The following OPCML variants were observed in gnomAD, a reference collection of about 807,000 sequenced individuals.
OPCML encodes the protein opioid-binding protein/cell adhesion molecule.
Under a neutral mutation model 37.8 loss-of-function variants are expected in OPCML, and 13 were observed. That is an observed-to-expected ratio of 0.34 (90% CI 0.22 to 0.55). The LOEUF (loss-of-function observed/expected upper bound fraction) is 0.55, where lower values mean the gene tolerates loss of function less well. OPCML is among the 20% of genes least tolerant of loss of function. The pLI is 0.91. For missense variants in OPCML, 341 were observed against 435.6 expected (o/e 0.78, Z 1.93); for synonymous variants, 176 against 168.8 (o/e 1.04, Z -0.33).
rs1313516482 is a variant in OPCML at position 132,887,928 on chromosome 11, T to C, written c.146+54998A>G. Among the ~76,000 whole-genome samples the C allele has an allele frequency of 2.6e-5, 4 of 152,210 alleles. No individual in the cohort carries two copies. The East Asian group carries it at 7.7e-4, about 29-fold the overall frequency. On this transcript the variant is annotated intron_variant, in intron 2 of 7. Transcript: ENST00000524381. The stretch of plus-strand genomic sequence containing the variant: ...GGATTTATACATAGCATAGGGAAAG[T>C]TGAGGCCAGGCCAAGGGCTGGTCTC...
rs922520343 is a variant in OPCML, at chr11:133,426,503, C to T, written c.61+105761G>A. Among the ~76,000 whole-genome samples, 5 of 152,230 alleles carry T rather than the reference C, an allele frequency of 3.3e-5. No homozygotes were observed. In the South Asian group the frequency reaches 6.2e-4, roughly 19 times the overall value. On this transcript the variant is annotated intron_variant, in intron 1 of 7. Coordinates refer to ENST00000524381, the MANE Select transcript of OPCML (RefSeq NM_001012393.5). ...TTCTGCGCGTTGGTAAGGTTGAAGA[C>T]GCACTCATGATAAACCAGTGAAGGT...
At chr11:133,013,253 T>C (rs533100439) in intron 1 of OPCML, among the ~76,000 whole-genome samples, 97 of 152,334 alleles carry the variant, frequency 6.4e-4, no homozygotes, top group South Asian at 5.4e-3. Context: ...AAGAACATTT[T>C]CTTTTTTTAA....
At chr11:133,005,083 C>G in intron 1 of OPCML, 1 of 985,318 alleles carries the variant, frequency 1.0e-6, no homozygotes, top group Non-Finnish European at 1.2e-6. Context: ...TGCTTGGACT[C>G]CTTCATGGCT....
chr11:133,360,408 C>CG, intron 1 of OPCML: 1 of 152,330 alleles, frequency 6.6e-6, no homozygotes, highest in East Asian at 1.9e-4. Flanking sequence ...GCCGACGATG[C>CG]CCGCAGGGGA....
rs548375533 is a variant in OPCML at position 133,409,899 on chromosome 11, C to T, written c.61+122365G>A. Among the ~76,000 whole-genome samples the T allele has an allele frequency of 2.6e-5, 4 of 152,176 alleles. No homozygotes were observed. The South Asian group carries it at 8.3e-4, about 32-fold the overall frequency. On this transcript the variant is annotated intron_variant, in intron 1 of 7. Coordinates refer to ENST00000524381, the MANE Select transcript of OPCML (RefSeq NM_001012393.5). ...TCCATATTGTGTGATGCAGTCTCTT[C>T]ATAAGGAGAAGCACTGCTGCTCTGA...
At chr11:133,214,200 T>A (rs979476884) in intron 1 of OPCML, among the ~76,000 whole-genome samples, 1 of 152,176 alleles carries the variant, frequency 6.6e-6, no homozygotes, top group African/African-American at 2.4e-5. Context: ...TCAAATGAAC[T>A]GTTATTTCAG....
chr11:133,450,400 T>C (rs901025663), intron 1 of OPCML, among the ~76,000 whole-genome samples: 2 of 151,494 alleles, frequency 1.3e-5, no homozygotes, highest in African/African-American at 4.9e-5. Flanking sequence ...AAATCCATTT[T>C]TTTTTTTAAG....
In OPCML at chr11:133,212,216, A is replaced by G. The variant is rs1592109313; in HGVS notation, c.62-269206T>C. Reference sequence around the variant, plus strand: ...CCAAACCAGCAAGGACAACAACAAAAGCAATTTTTCCTGCCCACCACCCCG... The same window carrying G: ...CCAAACCAGCAAGGACAACAACAAAGGCAATTTTTCCTGCCCACCACCCCG... On this transcript the variant is annotated intron_variant, in intron 1 of 7. Coordinates refer to ENST00000524381, the MANE Select transcript of OPCML (RefSeq NM_001012393.5). The surrounding 1 kb of genome is among the most constrained non-coding windows in gnomAD (Gnocchi z 4.9). 1.3e-5 allele frequency among the ~76,000 whole-genome samples: 2 copies of G among 152,190 alleles called. No homozygotes were observed. Among genetic ancestry groups the G allele is most frequent in the South Asian group, 4.2e-4 (2 of 4,810 alleles).
At chr11:133,339,761 C>G (rs1384256463) in intron 1 of OPCML, among the ~76,000 whole-genome samples, 1 of 152,180 alleles carries the variant, frequency 6.6e-6, no homozygotes, top group African/African-American at 2.4e-5. Context: ...GGTCCATGAC[C>G]TACCTTGTTA....
chr11:133,254,246 A>G (rs1002626376), intron 1 of OPCML, among the ~76,000 whole-genome samples: 1 of 152,174 alleles, frequency 6.6e-6, no homozygotes, highest in Non-Finnish European at 1.5e-5. Context: ...GGGGAAGCAC[A>G]TTTTGGGCAG....
At chr11:133,016,896 T>C (rs1947345007) in intron 1 of OPCML, among the ~76,000 whole-genome samples, 1 of 152,204 alleles carries the variant, frequency 6.6e-6, no homozygotes, top group Non-Finnish European at 1.5e-5. Flanking sequence ...TGGAAAAATG[T>C]CCTCAGAAAA....
intron 4 of OPCML, among the ~76,000 whole-genome samples, chr11:132,480,728 G>A (rs967736290): frequency 1.3e-5 from 2 of 152,116 alleles, no homozygotes; most frequent in Non-Finnish European, 2.9e-5. Flanking sequence ...CATTCTTAAA[G>A]AAAAGAATTT....
intron 1 of OPCML, among the ~76,000 whole-genome samples, chr11:133,518,279 A>G (rs1419372960): frequency 6.6e-6 from 1 of 150,420 alleles, no homozygotes; most frequent in African/African-American, 2.5e-5. Flanking sequence ...GTGTGGATAT[A>G]AGCAAAGTAT....
chr11:133,265,031 C>T (rs556928627), intron 1 of OPCML, among the ~76,000 whole-genome samples: 3 of 152,154 alleles, frequency 2.0e-5, no homozygotes, highest in South Asian at 4.2e-4. Flanking sequence ...TCCTTGATGA[C>T]TCGCTGCGCC....
At chr11:132,865,842 G>A (rs927849472) in intron 2 of OPCML, among the ~76,000 whole-genome samples, 7 of 152,192 alleles carry the variant, frequency 4.6e-5, no homozygotes, top group Non-Finnish European at 8.8e-5. Context: ...GGAAATGGCA[G>A]GTCATCTGGC....
At chr11:132,778,519 T>C (rs552101088) in intron 2 of OPCML, among the ~76,000 whole-genome samples, 1 of 152,364 alleles carries the variant, frequency 6.6e-6, no homozygotes, top group South Asian at 2.1e-4. Context: ...AGGAAACTTA[T>C]TTGTACAGCA....
chr11:132,446,473 G>A lies in OPCML; in HGVS notation c.506-9114C>T, dbSNP rs140644893. 4.5e-4 allele frequency among the ~76,000 whole-genome samples: 68 copies of A among 152,104 alleles called. 1 individual carries two copies. The East Asian group carries it at 9.9e-3, about 22-fold the overall frequency. ...TAGCCTATTTGGGCCAAAAAAAGTC[G>A]CTAGCATTTTTATTCTAAAAAGTAT... is the stretch of plus-strand genomic sequence containing the variant. On this transcript the variant is annotated intron_variant, in intron 4 of 7. Coordinates refer to ENST00000524381, the MANE Select transcript of OPCML (RefSeq NM_001012393.5).
chr11:132,556,397 G>C (rs548735549), intron 3 of OPCML, among the ~76,000 whole-genome samples: 1 of 152,134 alleles, frequency 6.6e-6, no homozygotes, highest in Non-Finnish European at 1.5e-5. Flanking sequence ...CAGGGTGTTT[G>C]CTTCTAATTA....
chr11:132,714,393 T>C (rs1944388078), intron 2 of OPCML, among the ~76,000 whole-genome samples: 1 of 152,190 alleles, frequency 6.6e-6, no homozygotes, highest in African/African-American at 2.4e-5. Context: ...CTCATGGAGA[T>C]AATATGTGCG....
Sources: gnomAD v4.1 joint callset for allele counts (sites outside exome capture counted in the v4.1 genomes callset) on GRCh38, gnomAD v4.1.1 for gene constraint, Gnocchi (gnomAD v3.1) non-coding constraint, MANE v1.5 for transcripts, NCBI Gene and HGNC (gene_info 2026-07-23, HGNC 2026-07-21) for gene names.